NRIP1: variants seen among roughly 807,000 people sequenced by gnomAD.
The protein encoded by NRIP1 is nuclear receptor interacting protein 1.
In NRIP1, 28 loss-of-function variants were observed where a neutral mutation model predicts 75.0. That is an observed-to-expected ratio of 0.37 (90% CI 0.28 to 0.51). The LOEUF (loss-of-function observed/expected upper bound fraction) is 0.51. NRIP1 is among the 20% of genes least tolerant of loss of function. NRIP1 has a pLI of 0.92. For synonymous variants in NRIP1, 526 were observed against 487.6 expected, an observed-to-expected ratio of 1.08 and a Z score of -1.04; for missense variants, 1,435 against 1,343.7, an observed-to-expected ratio of 1.07 and a Z score of -1.06.
At chr21:14,971,659 CTT>C (rs1166219521) in intron 3 of NRIP1, 3 of 152,102 alleles carry the variant, frequency 2.0e-5, no homozygotes, top group Admixed American at 2.0e-4. Context: ...TCACATGACT[CTT>C]ATATCACCAA....
At chr21:15,064,403 G>C (rs899197748) in intron 1 of NRIP1, among the ~76,000 whole-genome samples, 1 of 152,188 alleles carries the variant, frequency 6.6e-6, no homozygotes, top group Non-Finnish European at 1.5e-5. Context: ...GGGACCGAGA[G>C]GGCAAGCGAG....
intron 3 of NRIP1, among the ~76,000 whole-genome samples, chr21:14,969,354 A>G (rs1420692844): frequency 6.6e-6 from 1 of 152,214 alleles, no homozygotes; most frequent in Non-Finnish European, 1.5e-5. Flanking sequence ...TACAGAAGAC[A>G]GGGAGGGCAT....
chr21:15,019,985 A>G (rs998257858), intron 2 of NRIP1, among the ~76,000 whole-genome samples: 2 of 152,190 alleles, frequency 1.3e-5, no homozygotes, highest in Admixed American at 1.3e-4. Flanking sequence ...GAGGGAAATT[A>G]AAGAAGACTT....
intron 3 of NRIP1, among the ~76,000 whole-genome samples, chr21:14,988,714 A>AACC (rs1383616825): frequency 6.6e-6 from 1 of 152,102 alleles, no homozygotes; most frequent in Admixed American, 6.6e-5. Context: ...CCTATACCCA[A>AACC]ACCACAGACC....
chr21:14,996,300 C>T (rs1483078514), intron 3 of NRIP1, among the ~76,000 whole-genome samples: 1 of 152,104 alleles, frequency 6.6e-6, no homozygotes, highest in African/African-American at 2.4e-5. Context: ...TGGCTCGTAG[C>T]TTCTTCATTG....
rs375534968 is a variant in NRIP1 at position 15,031,089 on chromosome 21, G to A, written c.-458+12406C>T. Among the ~76,000 whole-genome samples the A allele has an allele frequency of 5.0e-3, 222 of 44,528 alleles. 1 individual carries two copies. The highest frequency in any genetic ancestry group is 7.2e-3 in the African/African-American group (75 of 10,394). The allele number at this position is 44,528 out of a possible 152,430, so 29.2% of individuals were successfully genotyped here. A position where few individuals can be genotyped will look rare whatever the true frequency, so the allele number is the denominator to read the frequency against. Reference sequence around the variant, plus strand: ...TCTATGTGTGTACACTCTGGAAGGCGCTCGGAGGATCACCACATTCCCTTT... The same window carrying A: ...TCTATGTGTGTACACTCTGGAAGGCACTCGGAGGATCACCACATTCCCTTT... On this transcript the variant is annotated intron_variant, in intron 2 of 3. Transcript: ENST00000318948.
At chr21:15,032,649 T>C (rs1389809493) in intron 2 of NRIP1, among the ~76,000 whole-genome samples, 2 of 152,230 alleles carry the variant, frequency 1.3e-5, no homozygotes, top group East Asian at 1.9e-4. Context: ...CTAAGGACTT[T>C]AGTCCAGAGA....
At chr21:15,048,601 A>G (rs977023027) in intron 1 of NRIP1, among the ~76,000 whole-genome samples, 3 of 152,212 alleles carry the variant, frequency 2.0e-5, no homozygotes, top group Non-Finnish European at 4.4e-5. Flanking sequence ...TTAGGACATT[A>G]CTTTTTTAGG....
In NRIP1 at chr21:14,965,903, G is replaced by C; in HGVS notation, c.2290C>G (p.Gln764Glu). 1 of 1,614,076 alleles carries C rather than the reference G, an allele frequency of 6.2e-7. No individual in the cohort carries two copies. Among genetic ancestry groups the C allele is most frequent in the Non-Finnish European group, 8.5e-7 (1 of 1,179,974 alleles). The change falls in exon 4 of 4, where the codon CAA (glutamine) becomes GAA (glutamate). Residue 764 changes from glutamine (Q) to glutamate (E), a missense_variant. Coordinates refer to ENST00000318948, the MANE Select transcript of NRIP1 (RefSeq NM_003489.4). ...KIKSEPCDDL[Q>E]IPNTNVHLSH... is the part of the protein sequence containing the mutation. ...AAGTGCACATTTGTGTTAGGAATTTGTAAGTCATCACAAGGCTCAGATTTT... is the reference window on the plus strand; with the variant it reads ...AAGTGCACATTTGTGTTAGGAATTTCTAAGTCATCACAAGGCTCAGATTTT...
rs1568930121 is a variant in NRIP1, at chr21:14,962,035, AT to A, written c.*2680del. 4.2e-5 allele frequency: 6 copies of A among 143,952 alleles called. No homozygotes were observed. Among genetic ancestry groups the A allele is most frequent in the Admixed American group, 3.5e-4 (5 of 14,378 alleles). The allele number at this position is 143,952 out of a possible 1,614,324, so 8.9% of individuals were successfully genotyped here. On this transcript the variant is annotated 3_prime_UTR_variant, in exon 4 of 4. Coordinates refer to ENST00000318948, the MANE Select transcript of NRIP1 (RefSeq NM_003489.4). ...ACATATTATATATATATATATATAT[AT>A]ATATATAAAATATATACTCTCACCA... is the stretch of plus-strand genomic sequence containing the variant.
chr21:15,031,343 G>A (rs895960103), intron 2 of NRIP1, among the ~76,000 whole-genome samples: 3 of 139,530 alleles, frequency 2.2e-5, no homozygotes, highest in Non-Finnish European at 3.1e-5. Flanking sequence ...GAAGGCGCTC[G>A]GAGGATCACC....
Position 14,965,541 on chromosome 21 carries a change from G to A in NRIP1, c.2652C>T (p.His884=). ...KNNIVDAANN[H]SAPEVLYGSL... is the part of the protein sequence containing the mutation. The stretch of plus-strand genomic sequence containing the variant: ...ACCCATACAGTACTTCTGGGGCACT[G>A]TGATTGTTTGCAGCATCAACAATGT... Residue 884 remains histidine (H), a synonymous_variant, in exon 4 of 4, where the codon CAC becomes CAT. Transcript: ENST00000318948. 1 of 1,614,048 alleles carries A rather than the reference G, an allele frequency of 6.2e-7. No individual in the cohort carries two copies. Among genetic ancestry groups the A allele is most frequent in the Non-Finnish European group, 8.5e-7 (1 of 1,179,946 alleles).
At chr21:14,979,300 G>A (rs1272218064) in intron 3 of NRIP1, among the ~76,000 whole-genome samples, 1 of 152,156 alleles carries the variant, frequency 6.6e-6, no homozygotes, top group Non-Finnish European at 1.5e-5. Flanking sequence ...AATGGAAAAT[G>A]GATCTTTCTT....
intron 3 of NRIP1, among the ~76,000 whole-genome samples, chr21:15,002,954 T>C (rs1294339518): frequency 6.6e-6 from 1 of 152,208 alleles, no homozygotes; most frequent in Non-Finnish European, 1.5e-5. Context: ...TTGAAAAATA[T>C]TTTCAGGTCT....
intron 3 of NRIP1, among the ~76,000 whole-genome samples, chr21:14,975,004 T>A (rs532814116): frequency 6.6e-6 from 1 of 152,002 alleles, no homozygotes; most frequent in African/African-American, 2.4e-5. Context: ...TTCAGCTACT[T>A]GGGAGGCTGA....
At chr21:15,064,217 G>C (rs529932974) in intron 1 of NRIP1, among the ~76,000 whole-genome samples, 1 of 152,236 alleles carries the variant, frequency 6.6e-6, no homozygotes, top group Non-Finnish European at 1.5e-5. Context: ...CCGCGAGTGC[G>C]GGCAGAGCGG....
At chr21:14,980,406 G>A (rs896667978) in intron 3 of NRIP1, among the ~76,000 whole-genome samples, 43 of 152,010 alleles carry the variant, frequency 2.8e-4, no homozygotes, top group African/African-American at 9.4e-4. Flanking sequence ...CCTGGAAGGC[G>A]GAGGTTGCAG....
At chr21:15,016,842 G>A (rs780274683) in intron 2 of NRIP1, among the ~76,000 whole-genome samples, 23 of 151,464 alleles carry the variant, frequency 1.5e-4, no homozygotes, top group African/African-American at 5.3e-4. Context: ...CCAAGATCGC[G>A]CCACTGCACT....
chr21:14,963,827 T>C lies in NRIP1; in HGVS notation c.*889A>G, dbSNP rs1413251918. The stretch of plus-strand genomic sequence containing the variant: ...ATAACACTCGCAGGTACCACAGGAA[T>C]GGTGAGAATTAACTTTTACAAGAGA... On this transcript the variant is annotated 3_prime_UTR_variant, in exon 4 of 4. Coordinates refer to ENST00000318948, the MANE Select transcript of NRIP1 (RefSeq NM_003489.4). The C allele has an allele frequency of 6.6e-6, 1 of 152,212 alleles. No individual in the cohort carries two copies. The highest frequency in any genetic ancestry group is 1.5e-5 in the Non-Finnish European group (1 of 68,002). 9.4% of individuals were successfully genotyped at this position (152,212 alleles called of 1,614,324 possible).
Sources: gnomAD v4.1 joint callset for allele counts (sites outside exome capture counted in the v4.1 genomes callset) on GRCh38, gnomAD v4.1.1 for gene constraint, MANE v1.5 for transcripts, NCBI Gene and HGNC (gene_info 2026-07-23, HGNC 2026-07-21) for gene names.